Variants in SEPTIN14 observed in about 807,000 individuals in gnomAD.
The protein encoded by SEPTIN14 is septin-14.
Under a neutral mutation model 53.6 loss-of-function variants are expected in SEPTIN14, and 40 were observed. The observed-to-expected ratio is 0.75, with a 90% CI of 0.58 to 0.97. The LOEUF is 0.97. SEPTIN14 is among the 50% of genes least tolerant of loss of function. The probability of loss-of-function intolerance (pLI) is 0.00; values close to 1 mark genes in which losing one functional copy is unlikely to be tolerated. For missense variants in SEPTIN14, 471 were observed against 508.2 expected (o/e 0.93, Z 0.70); for synonymous variants, 138 against 166.8 (o/e 0.83, Z 1.33).
rs183145642 is a variant in SEPTIN14, at chr7:55,853,227, C to T, written c.55-6590G>A. 2.4e-4 allele frequency among the ~76,000 whole-genome samples: 36 copies of T among 152,310 alleles called. 1 individual carries two copies. In the East Asian group the frequency reaches 6.9e-3, roughly 29 times the overall value. ...AGTACATTGAAGAGATATCTACACTCCCATGCTTATTGCAGCACTATTCAC... is the reference window on the plus strand; with the variant it reads ...AGTACATTGAAGAGATATCTACACTTCCATGCTTATTGCAGCACTATTCAC... On this transcript the variant is annotated intron_variant, in intron 2 of 9. Transcript: ENST00000388975.
intron 9 of SEPTIN14, among the ~76,000 whole-genome samples, chr7:55,801,327 C>T (rs1248166106): frequency 6.6e-6 from 1 of 151,732 alleles, no homozygotes; most frequent in Admixed American, 6.6e-5. Flanking sequence ...AAAACTCAAA[C>T]AAATAAAATC....
At chr7:55,804,866 G>A (rs918923301) in intron 9 of SEPTIN14, among the ~76,000 whole-genome samples, 1 of 152,064 alleles carries the variant, frequency 6.6e-6, no homozygotes, top group African/African-American at 2.4e-5. Flanking sequence ...ATTAATCAAG[G>A]CCAGCATTAG....
At chr7:55,856,396 T>C (rs1363467335) in intron 2 of SEPTIN14, among the ~76,000 whole-genome samples, 1 of 151,670 alleles carries the variant, frequency 6.6e-6, no homozygotes, top group Non-Finnish European at 1.5e-5. Flanking sequence ...GTACCACTTT[T>C]TCGTTTTTTT....
At chr7:55,853,842 T>C (rs1330590517) in intron 2 of SEPTIN14, among the ~76,000 whole-genome samples, 1 of 152,014 alleles carries the variant, frequency 6.6e-6, no homozygotes, top group Non-Finnish European at 1.5e-5. Context: ...GGGCTGAGCG[T>C]GGTGGCTCAT....
intron 2 of SEPTIN14, among the ~76,000 whole-genome samples, chr7:55,856,810 C>A (rs1279658906): frequency 6.6e-6 from 1 of 151,906 alleles, no homozygotes; most frequent in Non-Finnish European, 1.5e-5. Flanking sequence ...TGGTGGCTCA[C>A]ACCCATAATC....
chr7:55,827,575 C>T (rs1789012727), intron 6 of SEPTIN14, among the ~76,000 whole-genome samples: 1 of 152,206 alleles, frequency 6.6e-6, no homozygotes, highest in Non-Finnish European at 1.5e-5. Flanking sequence ...CTGCACCAGC[C>T]ACCCTCTAAA....
chr7:55,814,988 ACACAGC>A (rs1252383628), intron 7 of SEPTIN14, among the ~76,000 whole-genome samples: 1 of 152,196 alleles, frequency 6.6e-6, no homozygotes, highest in Non-Finnish European at 1.5e-5. Flanking sequence ...AAATAAATCC[ACACAGC>A]CACAGAGAAC....
intron 6 of SEPTIN14, among the ~76,000 whole-genome samples, chr7:55,822,705 A>G (rs555364735): frequency 6.6e-6 from 1 of 152,308 alleles, no homozygotes; most frequent in Admixed American, 6.5e-5. Context: ...TGTAAAAATA[A>G]GAATCTACAA....
At chr7:55,840,383 G>T (rs1337085915) in intron 5 of SEPTIN14, among the ~76,000 whole-genome samples, 2 of 151,938 alleles carry the variant, frequency 1.3e-5, no homozygotes, top group Non-Finnish European at 2.9e-5. Context: ...CAGCTACTCA[G>T]GAGGCTAAGA....
chr7:55,850,619 T>C (rs1211997890), intron 2 of SEPTIN14, among the ~76,000 whole-genome samples: 1 of 152,208 alleles, frequency 6.6e-6, no homozygotes, highest in Non-Finnish European at 1.5e-5. Flanking sequence ...CAAATAAATT[T>C]TTCTTAACAA....
intron 6 of SEPTIN14, among the ~76,000 whole-genome samples, chr7:55,831,794 A>T (rs573017302): frequency 3.9e-5 from 6 of 152,218 alleles, no homozygotes; most frequent in South Asian, 4.1e-4. Flanking sequence ...CAACCTCATT[A>T]AAAAAGACTG....
intron 2 of SEPTIN14, 103 bp downstream of exon 2, chr7:55,861,840 T>C (rs1417506738): frequency 1.6e-5 from 11 of 685,424 alleles, no homozygotes; most frequent in Non-Finnish European, 2.1e-5. Flanking sequence ...CAAACAAGAC[T>C]TTATCTTCTA....
chr7:55,846,075 A>AG (rs1211960351), intron 3 of SEPTIN14, among the ~76,000 whole-genome samples: 6 of 112,416 alleles, frequency 5.3e-5, no homozygotes, highest in Admixed American at 1.0e-4. Flanking sequence ...GTATATATAT[A>AG]TATATATATA....
intron 6 of SEPTIN14, among the ~76,000 whole-genome samples, chr7:55,830,345 A>T (rs1387350547): frequency 0.14 from 5,649 of 39,916 alleles, 480 homozygotes; most frequent in East Asian, 0.31. Context: ...ATATATATAT[A>T]TATATTTTTT....
At position 55,827,797 on chromosome 7, in the gene SEPTIN14, T is replaced by C. The variant is rs547909657; in HGVS notation, c.720+6628A>G. ...TTCTGCCATAGCTGGCTCTTACTCA[T>C]AAGTGCCACTTACTGGCATGGAGGT... On this transcript the variant is annotated intron_variant, in intron 6 of 9. Coordinates refer to ENST00000388975, the MANE Select transcript of SEPTIN14 (RefSeq NM_207366.3). Among the ~76,000 whole-genome samples the C allele has an allele frequency of 1.8e-4, 27 of 152,258 alleles. No individual in the cohort carries two copies. In the South Asian group the frequency reaches 4.1e-3, roughly 23 times the overall value.
At chr7:55,824,178 G>T (rs1788945524) in intron 6 of SEPTIN14, among the ~76,000 whole-genome samples, 1 of 152,114 alleles carries the variant, frequency 6.6e-6, no homozygotes, top group Admixed American at 6.6e-5. Context: ...GCTAGCAAAA[G>T]ACACTGTTAA....
chr7:55,797,077 C>T (rs7807685), intron 9 of SEPTIN14, among the ~76,000 whole-genome samples: 27,189 of 151,598 alleles, frequency 0.18, 3,269 homozygotes, highest in East Asian at 0.43. Flanking sequence ...AAGCCGAGAC[C>T]GTGCCATTGC....
intron 6 of SEPTIN14, among the ~76,000 whole-genome samples, chr7:55,821,987 A>C (rs557463404): frequency 1.3e-5 from 2 of 152,314 alleles, no homozygotes; most frequent in African/African-American, 4.8e-5. Flanking sequence ...GCAAGAGAAA[A>C]TTAGGAAGAA....
chr7:55,802,283 G>T (rs150597503), intron 9 of SEPTIN14, among the ~76,000 whole-genome samples: 1 of 152,096 alleles, frequency 6.6e-6, no homozygotes, highest in Non-Finnish European at 1.5e-5. Context: ...GGGATTACAG[G>T]CATGAGCCAC....
Sources: gnomAD v4.1 joint callset for allele counts (sites outside exome capture counted in the v4.1 genomes callset) on GRCh38, gnomAD v4.1.1 for gene constraint, MANE v1.5 for transcripts, NCBI Gene and HGNC (gene_info 2026-07-23, HGNC 2026-07-21) for gene names.